SGMS1: variants seen among roughly 807,000 people sequenced by gnomAD.
SGMS1 encodes phosphatidylcholine:ceramide cholinephosphotransferase 1.
In SGMS1, 13 loss-of-function variants were observed where a neutral mutation model predicts 46.2. The observed-to-expected ratio is 0.28, with a 90% CI of 0.18 to 0.45. The LOEUF (loss-of-function observed/expected upper bound fraction) is 0.45, where lower values mean the gene tolerates loss of function less well. Ranked by LOEUF, SGMS1 falls within the 20% of genes least tolerant of loss-of-function variation. SGMS1 has a pLI of 1.00. For synonymous variants in SGMS1, 203 were observed against 187.8 expected (o/e 1.08, Z -0.66); for missense variants, 324 against 519.9 (o/e 0.62, Z 3.66).
chr10:50,407,624 G>C (rs1003508747), intron 6 of SGMS1, among the ~76,000 whole-genome samples: 5 of 151,536 alleles, frequency 3.3e-5, no homozygotes, highest in Non-Finnish European at 5.9e-5. Context: ...CATTCCCCCC[G>C]CCGTAAATAA....
intron 2 of SGMS1, among the ~76,000 whole-genome samples, chr10:50,543,827 T>C (rs1043304199): frequency 1.3e-5 from 2 of 152,206 alleles, no homozygotes; most frequent in South Asian, 4.1e-4. Flanking sequence ...GTTCCAAATG[T>C]CTTCTATGTT....
intron 3 of SGMS1, among the ~76,000 whole-genome samples, chr10:50,492,220 G>A (rs1837573673): frequency 6.6e-6 from 1 of 152,186 alleles, no homozygotes; most frequent in South Asian, 2.1e-4. Context: ...TGTACTGAAT[G>A]GGCAAAAGCT....
intron 6 of SGMS1, among the ~76,000 whole-genome samples, chr10:50,410,797 C>T (rs942726354): frequency 6.6e-6 from 1 of 152,188 alleles, no homozygotes; most frequent in African/African-American, 2.4e-5. Flanking sequence ...GGTAAGGCAC[C>T]TTCTCTGTAG....
chr10:50,541,654 A>G (rs1414595641), intron 2 of SGMS1, among the ~76,000 whole-genome samples: 1 of 152,152 alleles, frequency 6.6e-6, no homozygotes, highest in Admixed American at 6.6e-5. Context: ...GATGGGGCCA[A>G]GATCCTCGAA....
chr10:50,616,413 G>C (rs986174279), intron 1 of SGMS1, among the ~76,000 whole-genome samples: 5 of 152,120 alleles, frequency 3.3e-5, no homozygotes, highest in Non-Finnish European at 5.9e-5. Context: ...TGGGATTACA[G>C]GTGTGAACTA....
intron 6 of SGMS1, among the ~76,000 whole-genome samples, chr10:50,414,703 T>G (rs1849145242): frequency 2.6e-5 from 4 of 151,984 alleles, no homozygotes; most frequent in African/African-American, 9.7e-5. Context: ...GGCTTTGGAG[T>G]CTCTATTCGT....
chr10:50,568,524 C>T (rs1268315080), intron 2 of SGMS1, among the ~76,000 whole-genome samples: 1 of 152,092 alleles, frequency 6.6e-6, no homozygotes, highest in East Asian at 1.9e-4. Context: ...GTTCACCTTC[C>T]TAAACTGCCT....
At chr10:50,412,413 A>G (rs1327983033) in intron 6 of SGMS1, among the ~76,000 whole-genome samples, 4 of 152,210 alleles carry the variant, frequency 2.6e-5, no homozygotes, top group Admixed American at 6.5e-5. Context: ...CAACAGACGG[A>G]TTGTGAATAC....
rs577447352 is a variant in SGMS1, at chr10:50,352,768, G to C, written c.-231-8423C>G. Reference sequence around the variant, plus strand: ...TAAAAAGTTTCTTAAAATTATAATGGTGTTCTAAATACAAACTACCATCAG... The same window carrying C: ...TAAAAAGTTTCTTAAAATTATAATGCTGTTCTAAATACAAACTACCATCAG... On this transcript the variant is annotated intron_variant, in intron 6 of 10. Transcript: ENST00000361781. Among the ~76,000 whole-genome samples the C allele has an allele frequency of 4.6e-5, 7 of 151,980 alleles. No individual in the cohort carries two copies. The South Asian group carries it at 1.5e-3, about 32-fold the overall frequency.
intron 6 of SGMS1, among the ~76,000 whole-genome samples, chr10:50,412,096 G>A (rs1419852486): frequency 1.3e-5 from 2 of 152,150 alleles, no homozygotes; most frequent in African/African-American, 4.8e-5. Flanking sequence ...TTGTCCCAAT[G>A]ATGTGAGGGG....
intron 5 of SGMS1, among the ~76,000 whole-genome samples, chr10:50,447,385 G>A (rs1351815228): frequency 6.6e-6 from 1 of 152,084 alleles, no homozygotes; most frequent in African/African-American, 2.4e-5. Flanking sequence ...ATAAATAAGT[G>A]TTCTTGAATA....
chr10:50,621,432 G>A (rs1838849021), intron 1 of SGMS1, among the ~76,000 whole-genome samples: 1 of 152,146 alleles, frequency 6.6e-6, no homozygotes, highest in Non-Finnish European at 1.5e-5. Context: ...ATGTGCAAAG[G>A]TATTGATGCA....
intron 6 of SGMS1, among the ~76,000 whole-genome samples, chr10:50,381,790 A>G (rs965277642): frequency 3.3e-5 from 5 of 152,230 alleles, no homozygotes; most frequent in African/African-American, 1.2e-4. Context: ...CCTATGTAGC[A>G]GGTCAGCCTT....
rs558935099 is a variant in SGMS1 at position 50,535,468 on chromosome 10, C to T, written c.-588-15547G>A. Among the ~76,000 whole-genome samples the T allele has an allele frequency of 7.8e-4, 119 of 151,872 alleles. 1 individual carries two copies. The highest frequency in any genetic ancestry group is 3.3e-3 in the Admixed American group (51 of 15,272). On this transcript the variant is annotated intron_variant, in intron 2 of 10. Transcript: ENST00000361781. ...GCAACCTCCGCCTCCCGGGTTCAAG[C>T]GATTCTCCTGCCTCAGCTTCTCAAG...
chr10:50,399,402 ACAATGTAAATG>A (rs1319990434), intron 6 of SGMS1, among the ~76,000 whole-genome samples: 1 of 152,246 alleles, frequency 6.6e-6, no homozygotes, highest in Non-Finnish European at 1.5e-5. Context: ...AAATATGACA[ACAATGTAAATG>A]TCCATCAATG....
intron 2 of SGMS1, among the ~76,000 whole-genome samples, chr10:50,527,402 C>T (rs933328507): frequency 3.9e-5 from 6 of 152,154 alleles, no homozygotes; most frequent in African/African-American, 1.2e-4. Context: ...CTCAAGACAA[C>T]CCTTTAAAGT....
intron 2 of SGMS1, among the ~76,000 whole-genome samples, chr10:50,527,989 AG>A (rs1837919426): frequency 6.6e-6 from 1 of 152,236 alleles, no homozygotes; most frequent in Non-Finnish European, 1.5e-5. Context: ...GAAAGAGTTT[AG>A]TTGTAGGACA....
intron 2 of SGMS1, among the ~76,000 whole-genome samples, chr10:50,535,149 T>C (rs945500655): frequency 5.3e-5 from 8 of 151,882 alleles, no homozygotes; most frequent in African/African-American, 1.7e-4. Context: ...GGAGAATCAC[T>C]TGAACCTGGG....
chr10:50,310,708 TATA>T (rs536624280), intron 9 of SGMS1, among the ~76,000 whole-genome samples: 119 of 152,350 alleles, frequency 7.8e-4, no homozygotes, highest in African/African-American at 2.7e-3. Context: ...ATGCGGTATT[TATA>T]ATATTATTTT....
Sources: allele counts gnomAD v4.1 joint callset (sites outside exome capture counted in the v4.1 genomes callset), GRCh38; gene constraint gnomAD v4.1.1; transcripts MANE v1.5; gene names NCBI Gene and HGNC (gene_info 2026-07-23, HGNC 2026-07-21).